The following GALNT6 variants were observed in gnomAD, a reference collection of about 807,000 sequenced individuals.
GALNT6 encodes the protein GalNAc transferase 6.
A neutral mutation model predicts 65.9 loss-of-function variants in GALNT6; 51 were observed. That is an observed-to-expected ratio of 0.77 (90% confidence interval 0.62 to 0.98). GALNT6 has a LOEUF of 0.98. Among genes scored for constraint, GALNT6 ranks in the 50% least tolerant of loss-of-function variants. The pLI, the probability that GALNT6 is intolerant of heterozygous loss-of-function variation, is 0.00. For synonymous variants in GALNT6, 323 were observed against 315.1 expected, an observed-to-expected ratio of 1.02 and a Z score of -0.26; for missense variants, 708 against 803.3, an observed-to-expected ratio of 0.88 and a Z score of 1.43.
At chr12:51,371,528 T>A (rs1349373025) in intron 4 of GALNT6, among the ~76,000 whole-genome samples, 1 of 152,194 alleles carries the variant, frequency 6.6e-6, no homozygotes, top group Non-Finnish European at 1.5e-5. Flanking sequence ...GAGTAGTCTT[T>A]CCTGGCTACT....
rs1281966189 is a variant in GALNT6 at position 51,355,842 on chromosome 12, G to A, written c.1719C>T (p.Ser573=). The part of the protein sequence containing the change: ...LGSCHFTGKN[S]QVPKDEEWEL... ...CCCATTCCTCGTCCTTGGGGACCTG[G>A]CTATTCTTGCCAGTGAAGTGACAGC... Residue 573 remains serine (S), a synonymous_variant, in exon 11 of 12, where the codon AGC becomes AGT. Transcript: ENST00000356317. The A allele has an allele frequency of 6.2e-7, 1 of 1,613,698 alleles. No individual in the cohort carries two copies. The highest frequency in any genetic ancestry group is 1.3e-5 in the African/African-American group (1 of 74,900).
rs1481731053 is a variant in GALNT6 at position 51,364,141 on chromosome 12, C to T, written c.1029G>A (p.Lys343=). The T allele has an allele frequency of 6.2e-7, 1 of 1,613,868 alleles. No homozygotes were observed. Among genetic ancestry groups the T allele is most frequent in the Non-Finnish European group, 8.5e-7 (1 of 1,179,862 alleles). ...CTTACTTGATGGGGTAGGTTTCATCCTTGCGCCTCTGCTTCTCATGTGGAG... is the reference window on the plus strand; with the variant it reads ...CTTACTTGATGGGGTAGGTTTCATCTTTGCGCCTCTGCTTCTCATGTGGAG... The part of the protein sequence containing the change: ...TLPPHEKQRR[K]DETYPIKSPT... The change falls in exon 6 of 12, where the codon AAG becomes AAA. Residue 343 remains lysine (K), a synonymous_variant. Coordinates refer to ENST00000356317, the MANE Select transcript of GALNT6 (RefSeq NM_007210.4).
chr12:51,379,045 T>C (rs1356051062), intron 3 of GALNT6, among the ~76,000 whole-genome samples: 3 of 152,196 alleles, frequency 2.0e-5, no homozygotes, highest in Non-Finnish European at 4.4e-5. Flanking sequence ...CATCTCACTT[T>C]CATAATTGCA....
chr12:51,361,970 GACCCTGGTGTT>G (rs959489858), intron 6 of GALNT6, among the ~76,000 whole-genome samples: 46 of 152,276 alleles, frequency 3.0e-4, no homozygotes, highest in African/African-American at 1.1e-3. Context: ...CCAGGAATGT[GACCCTGGTGTT>G]ACCCTGTGGT....
At chr12:51,367,508 CTATG>C (rs1291911889) in intron 4 of GALNT6, among the ~76,000 whole-genome samples, 1 of 152,196 alleles carries the variant, frequency 6.6e-6, no homozygotes, top group Non-Finnish European at 1.5e-5. Context: ...CCAAACCTTA[CTATG>C]TTTTACTAAC....
At chr12:51,358,045 G>T in intron 9 of GALNT6, 85 bp downstream of exon 9, 1 of 1,301,354 alleles carries the variant, frequency 7.7e-7, no homozygotes, top group Non-Finnish European at 1.1e-6. Context: ...ATTCTTGTTT[G>T]TCATCCATCT....
intron 11 of GALNT6, among the ~76,000 whole-genome samples, chr12:51,355,061 G>A (rs1470950099): frequency 6.6e-6 from 1 of 152,138 alleles, no homozygotes; most frequent in Non-Finnish European, 1.5e-5. Flanking sequence ...ATGGGTCTTG[G>A]GCCAGTCACA....
At chr12:51,373,187 T>C (rs1947343112) in intron 4 of GALNT6, among the ~76,000 whole-genome samples, 1 of 152,096 alleles carries the variant, frequency 6.6e-6, no homozygotes, top group South Asian at 2.1e-4. Flanking sequence ...GGCATGATTG[T>C]GTTTTGAAAT....
At chr12:51,372,737 C>T (rs1947329039) in intron 4 of GALNT6, among the ~76,000 whole-genome samples, 1 of 152,238 alleles carries the variant, frequency 6.6e-6, no homozygotes, top group Admixed American at 6.5e-5. Context: ...GGCATTATGT[C>T]ACTTGTCTAG....
chr12:51,357,096 T>TAGCCTCCTCA (rs1946770002), intron 10 of GALNT6, among the ~76,000 whole-genome samples: 1 of 152,174 alleles, frequency 6.6e-6, no homozygotes, highest in African/African-American at 2.4e-5. Flanking sequence ...CCCCAGCAGC[T>TAGCCTCCTCA]AGCCTCCTCA....
At chr12:51,375,715 G>A (rs1399709789) in intron 4 of GALNT6, among the ~76,000 whole-genome samples, 1 of 151,066 alleles carries the variant, frequency 6.6e-6, no homozygotes, top group Non-Finnish European at 1.5e-5. Context: ...GCTCTGCCAC[G>A]CCTGGCTAAT....
In GALNT6 at chr12:51,387,350, T is replaced by C. The variant is rs1391283419; in HGVS notation, c.-104+3500A>G. 2.6e-5 allele frequency among the ~76,000 whole-genome samples: 4 copies of C among 152,182 alleles called. No homozygotes were observed. Among genetic ancestry groups the C allele is most frequent in the African/African-American group, 9.7e-5 (4 of 41,444 alleles). On this transcript the variant is annotated intron_variant, in intron 2 of 11. Coordinates refer to ENST00000356317, the MANE Select transcript of GALNT6 (RefSeq NM_007210.4). The surrounding 1 kb of genome is among the most constrained non-coding windows in gnomAD (Gnocchi z 4.2). ...CCTGACCTCAAGTGATCTGTCTGCC[T>C]CGGCCTCCCAAAGTACTAGGATTAC...
chr12:51,357,222 G>A (rs963005179), intron 10 of GALNT6, 127 bp downstream of exon 10: 20 of 633,306 alleles, frequency 3.2e-5, no homozygotes, highest in East Asian at 1.1e-4. Flanking sequence ...CTTCTCCTCC[G>A]ACTGGAAGCT....
In GALNT6 at chr12:51,360,707, C is replaced by T; in HGVS notation, c.1167+14G>A. ...GGATGTTGTGGTTCCCCCCAAAGCC[C>T]TCTTCACTCTCACCCGGAAGGACAT... is the stretch of plus-strand genomic sequence containing the variant. On this transcript the variant is annotated intron_variant, in intron 7 of 11. Transcript: ENST00000356317. 1 of 1,477,950 alleles carries T rather than the reference C, an allele frequency of 6.8e-7. No individual in the cohort carries two copies. Among genetic ancestry groups the T allele is most frequent in the South Asian group, 1.1e-5 (1 of 88,224 alleles). The allele number at this position is 1,477,950 out of a possible 1,614,324, so 91.6% of individuals were successfully genotyped here. A position where few individuals can be genotyped will look rare whatever the true frequency, so the allele number is the denominator to read the frequency against.
Sources: allele counts gnomAD v4.1 joint callset (sites outside exome capture counted in the v4.1 genomes callset), GRCh38; gene constraint gnomAD v4.1.1; non-coding constraint Gnocchi (gnomAD v3.1); transcripts MANE v1.5; gene names NCBI Gene and HGNC (gene_info 2026-07-23, HGNC 2026-07-21).